DOCK1: variants seen among roughly 807,000 people sequenced by gnomAD.
DOCK1 encodes dedicator of cytokinesis protein 1.
In DOCK1, 138 loss-of-function variants were observed where a neutral mutation model predicts 262.7. That is an observed-to-expected ratio of 0.53 (90% CI 0.46 to 0.61). The LOEUF is 0.61. Among genes scored for constraint, DOCK1 ranks in the 20% least tolerant of loss-of-function variants. The probability of loss-of-function intolerance (pLI) is 0.00; values close to 1 mark genes in which losing one functional copy is unlikely to be tolerated. For synonymous variants in DOCK1, 866 were observed against 867.4 expected (o/e 1.00, Z 0.03); for missense variants, 1,908 against 2,370.7 (o/e 0.80, Z 4.05).
intron 27 of DOCK1, among the ~76,000 whole-genome samples, chr10:127,133,923 A>G (rs1189015599): frequency 2.0e-5 from 3 of 152,206 alleles, no homozygotes; most frequent in Non-Finnish European, 4.4e-5. Context: ...GAGTTTCTGT[A>G]GGTCAAAGAA....
At chr10:126,986,974 A>G (rs904557953) in intron 4 of DOCK1, among the ~76,000 whole-genome samples, 3 of 152,206 alleles carry the variant, frequency 2.0e-5, no homozygotes, top group Non-Finnish European at 4.4e-5. Flanking sequence ...GAAAGAGGAT[A>G]CAGAGTTTAA....
chr10:127,072,040 T>C (rs1447890349), intron 23 of DOCK1, among the ~76,000 whole-genome samples: 1 of 152,200 alleles, frequency 6.6e-6, no homozygotes, highest in African/African-American at 2.4e-5. Context: ...CCTGATCTTG[T>C]TCAGAGATCT....
intron 29 of DOCK1, among the ~76,000 whole-genome samples, chr10:127,312,600 C>T (rs1267298468): frequency 1.3e-5 from 2 of 152,194 alleles, no homozygotes; most frequent in Admixed American, 6.5e-5. Flanking sequence ...TCCTTACCCC[C>T]GGGCTTGAGG....
intron 27 of DOCK1, among the ~76,000 whole-genome samples, chr10:127,141,759 T>G (rs2051281095): frequency 6.6e-6 from 1 of 152,136 alleles, no homozygotes; most frequent in East Asian, 1.9e-4. Flanking sequence ...AATTATGTTG[T>G]GTCCTCCCCT....
At chr10:127,035,878 T>C (rs936146381) in intron 18 of DOCK1, among the ~76,000 whole-genome samples, 1 of 152,006 alleles carries the variant, frequency 6.6e-6, no homozygotes, top group Non-Finnish European at 1.5e-5. Flanking sequence ...GGCGTGCACC[T>C]GTAGCCCCAG....
intron 47 of DOCK1, among the ~76,000 whole-genome samples, chr10:127,431,363 C>G (rs1326961470): frequency 7.9e-5 from 12 of 152,202 alleles, no homozygotes; most frequent in Non-Finnish European, 5.9e-5. Flanking sequence ...GGAGTGCCCT[C>G]TGTCTCTCCT....
intron 2 of DOCK1, among the ~76,000 whole-genome samples, chr10:126,971,911 C>T (rs1034324020): frequency 4.6e-5 from 7 of 151,436 alleles, no homozygotes; most frequent in Admixed American, 4.6e-4. Flanking sequence ...TCCAATGAAG[C>T]AATATTTTTT....
chr10:127,163,163 G>A (rs902129715), intron 27 of DOCK1, among the ~76,000 whole-genome samples: 4 of 152,166 alleles, frequency 2.6e-5, no homozygotes, highest in Admixed American at 2.6e-4. Context: ...ATGGGACTGG[G>A]CATTTTGCTG....
chr10:127,373,511 G>A (rs1219444713), intron 33 of DOCK1, among the ~76,000 whole-genome samples: 2 of 150,696 alleles, frequency 1.3e-5, no homozygotes, highest in Non-Finnish European at 3.0e-5. Flanking sequence ...TGGTTTCCTT[G>A]TCTTTCTTCC....
chr10:127,094,082 T>C (rs1287309308), intron 23 of DOCK1, among the ~76,000 whole-genome samples: 2 of 152,108 alleles, frequency 1.3e-5, no homozygotes, highest in Admixed American at 1.3e-4. Flanking sequence ...TAGTCCCAGC[T>C]ACATGGGAGG....
chr10:126,906,385 C>T (rs1475917458), intron 1 of DOCK1, among the ~76,000 whole-genome samples: 3 of 152,212 alleles, frequency 2.0e-5, no homozygotes, highest in South Asian at 2.1e-4. Context: ...GGACCCGCAG[C>T]CGGTCGCCGA....
chr10:127,161,206 A>C (rs540664201), intron 27 of DOCK1, among the ~76,000 whole-genome samples: 1 of 152,338 alleles, frequency 6.6e-6, no homozygotes, highest in African/African-American at 2.4e-5. Flanking sequence ...CCATATACTC[A>C]TGGAAACGCA....
At chr10:127,079,229 G>A (rs559820551) in intron 23 of DOCK1, among the ~76,000 whole-genome samples, 15 of 152,206 alleles carry the variant, frequency 9.9e-5, no homozygotes, top group African/African-American at 2.4e-4. Context: ...CCATACTCCC[G>A]TCTGGAATCT....
intron 38 of DOCK1, among the ~76,000 whole-genome samples, chr10:127,388,216 G>GAACA (rs562618129): frequency 5.4e-4 from 82 of 152,342 alleles, no homozygotes; most frequent in African/African-American, 1.8e-3. Flanking sequence ...GGTGGAGACA[G>GAACA]AACAAAGGCT....
chr10:127,185,795 T>C (rs575760248), intron 27 of DOCK1, among the ~76,000 whole-genome samples: 2 of 152,244 alleles, frequency 1.3e-5, no homozygotes, highest in South Asian at 4.2e-4. Context: ...ATGTTTCCGG[T>C]GCTGATGGGA....
At position 127,006,760 on chromosome 10, in the gene DOCK1, G is replaced by T. The variant is rs1290369654; in HGVS notation, c.986-1972G>T. Among the ~76,000 whole-genome samples the T allele has an allele frequency of 3.9e-5, 6 of 152,152 alleles. No individual in the cohort carries two copies. The East Asian group carries it at 1.2e-3, about 29-fold the overall frequency. ...GCACATGGTCCTGTGTTCCAGGGCT[G>T]GGCACTGGGGATGTGGCAAGGGAGT... On this transcript the variant is annotated intron_variant, in intron 10 of 51. Coordinates refer to ENST00000623213, the MANE Select transcript of DOCK1 (RefSeq NM_001290223.2).
chr10:127,225,837 G>A (rs546161982), intron 27 of DOCK1, among the ~76,000 whole-genome samples: 4 of 152,288 alleles, frequency 2.6e-5, no homozygotes, highest in African/African-American at 9.6e-5. Flanking sequence ...CCTTCACTTT[G>A]GGAGGCCGAG....
rs114437884 is a variant in DOCK1, at chr10:126,972,696, G to A, written c.130+1911G>A. Among the ~76,000 whole-genome samples the A allele has an allele frequency of 5.6e-3, 857 of 152,056 alleles. 12 individuals carry two copies. Among genetic ancestry groups the A allele is most frequent in the African/African-American group, 0.018 (757 of 41,450 alleles). ...TCCTGCTCGAGGCAAACTGTGACCA[G>A]CTCCTGGTAGACTCCTCTGAGAAAC... On this transcript the variant is annotated intron_variant, in intron 2 of 51. Transcript: ENST00000623213.
intron 27 of DOCK1, among the ~76,000 whole-genome samples, chr10:127,206,930 T>C (rs1232607522): frequency 2.0e-5 from 3 of 152,226 alleles, no homozygotes; most frequent in Non-Finnish European, 4.4e-5. Context: ...TTCCTGTTTT[T>C]ACCATATCCA....
Sources: gnomAD v4.1 joint callset for allele counts (sites outside exome capture counted in the v4.1 genomes callset) on GRCh38, gnomAD v4.1.1 for gene constraint, MANE v1.5 for transcripts, NCBI Gene and HGNC (gene_info 2026-07-23, HGNC 2026-07-21) for gene names.